NEK10: variants seen among roughly 807,000 people sequenced by gnomAD.
NEK10 encodes the protein NIMA related kinase 10, also known as serine/threonine-protein kinase Nek10.
In NEK10, 122 loss-of-function variants were observed where a neutral mutation model predicts 159.8. That is an observed-to-expected ratio of 0.76 (90% CI 0.66 to 0.89). NEK10 has a LOEUF of 0.89. Ranked by LOEUF, NEK10 falls within the 40% of genes least tolerant of loss-of-function variation. The pLI is 0.00. For synonymous variants in NEK10, 466 were observed against 457.1 expected, an observed-to-expected ratio of 1.02 and a Z score of -0.25; for missense variants, 1,342 against 1,323.1, an observed-to-expected ratio of 1.01 and a Z score of -0.22.
At chr3:27,124,446 G>A (rs183249217) in intron 32 of NEK10, among the ~76,000 whole-genome samples, 49 of 152,272 alleles carry the variant, frequency 3.2e-4, no homozygotes, top group African/African-American at 1.1e-3. Context: ...TCTAGACACA[G>A]TAGATATTCT....
chr3:27,179,142 T>G (rs1349866841), intron 26 of NEK10, among the ~76,000 whole-genome samples: 1 of 152,208 alleles, frequency 6.6e-6, no homozygotes, highest in African/African-American at 2.4e-5. Flanking sequence ...TCTCCCATTC[T>G]CTACATACAG....
intron 13 of NEK10, among the ~76,000 whole-genome samples, chr3:27,300,192 A>C (rs1319927958): frequency 1.3e-5 from 2 of 152,164 alleles, no homozygotes; most frequent in African/African-American, 2.4e-5. Context: ...AGGTGATTGA[A>C]TTATGGGGGT....
At chr3:27,226,081 G>T (rs1184954559) in intron 23 of NEK10, among the ~76,000 whole-genome samples, 1 of 152,096 alleles carries the variant, frequency 6.6e-6, no homozygotes, top group Admixed American at 6.5e-5. Context: ...GCCCAGGCTG[G>T]AGTGCAGTGG....
rs1305223544 is a variant in NEK10, at chr3:27,107,080, T to C, written c.*4192A>G. Among the ~76,000 whole-genome samples the C allele has an allele frequency of 6.6e-6, 1 of 152,164 alleles. No individual in the cohort carries two copies. The highest frequency in any genetic ancestry group is 2.4e-5 in the African/African-American group (1 of 41,434). ...TAGGATAAAGCAATGAACTGTATCT[T>C]AAATTTTTTATATTATTAGACAATT... On this transcript the variant is annotated 3_prime_UTR_variant, in exon 36 of 36. Coordinates refer to ENST00000691995, the MANE Select transcript of NEK10 (RefSeq NM_001394966.1).
intron 23 of NEK10, among the ~76,000 whole-genome samples, chr3:27,254,183 G>T (rs1288805512): frequency 6.6e-6 from 1 of 152,046 alleles, no homozygotes; most frequent in African/African-American, 2.4e-5. Flanking sequence ...ATGAGATTTT[G>T]GTTTTTTTCA....
intron 22 of NEK10, among the ~76,000 whole-genome samples, chr3:27,269,668 G>T (rs950702768): frequency 6.6e-6 from 1 of 152,134 alleles, no homozygotes; most frequent in Non-Finnish European, 1.5e-5. Flanking sequence ...TATATGACTT[G>T]CTTTATTGCA....
At chr3:27,210,982 A>G (rs1950956917) in intron 23 of NEK10, among the ~76,000 whole-genome samples, 1 of 152,240 alleles carries the variant, frequency 6.6e-6, no homozygotes, top group Admixed American at 6.5e-5. Flanking sequence ...GAAACATTTT[A>G]TATCTAATAT....
chr3:27,212,878 G>C (rs1206819271), intron 23 of NEK10, among the ~76,000 whole-genome samples: 1 of 152,186 alleles, frequency 6.6e-6, no homozygotes, highest in Non-Finnish European at 1.5e-5. Context: ...ACGGAGGCAG[G>C]AGAATAGAGT....
chr3:27,204,226 C>T (rs575724074), intron 23 of NEK10, among the ~76,000 whole-genome samples: 1 of 145,068 alleles, frequency 6.9e-6, no homozygotes, highest in South Asian at 2.2e-4. Flanking sequence ...CCAGCACCTG[C>T]ACTTGTTTGG....
At chr3:27,254,569 C>T (rs1012699745) in intron 23 of NEK10, among the ~76,000 whole-genome samples, 32 of 152,244 alleles carry the variant, frequency 2.1e-4, no homozygotes, top group African/African-American at 7.0e-4. Flanking sequence ...GCAAGAAAGA[C>T]GGTTTGTGAG....
chr3:27,179,558 G>T (rs1947860812), intron 26 of NEK10, among the ~76,000 whole-genome samples: 1 of 152,040 alleles, frequency 6.6e-6, no homozygotes, highest in Non-Finnish European at 1.5e-5. Context: ...CTCAAATACA[G>T]GTTTTCTAGA....
At chr3:27,163,168 T>C (rs895901970) in intron 29 of NEK10, among the ~76,000 whole-genome samples, 22 of 152,124 alleles carry the variant, frequency 1.4e-4, no homozygotes, top group Admixed American at 3.3e-4. Flanking sequence ...TGAAAATAAT[T>C]ATCTTTCCTA....
chr3:27,301,932 T>A (rs1036595106), intron 12 of NEK10, 97 bp from the exon 13 acceptor site: 1 of 890,902 alleles, frequency 1.1e-6, no homozygotes, highest in Admixed American at 2.3e-5. Flanking sequence ...CTCCCTCAGG[T>A]CATGAAGGCA....
chr3:27,179,220 T>C (rs55864063), intron 26 of NEK10, among the ~76,000 whole-genome samples: 1,674 of 152,272 alleles, frequency 0.011, 36 homozygotes, highest in African/African-American at 0.038. Flanking sequence ...ATAACTAATT[T>C]ATATGGATTA....
rs1216388128 is a variant in NEK10 at position 27,346,220 on chromosome 3, C to T, written c.133-4G>A. ...TATCGAAGTTAATGGCTGGAAGCTA[C>T]AGAAATAGAAGCATAGAGTACATGA... is the stretch of plus-strand genomic sequence containing the variant. On this transcript the variant is annotated splice_region_variant and splice_polypyrimidine_tract_variant and intron_variant, in intron 3 of 35. Coordinates refer to ENST00000691995, the MANE Select transcript of NEK10 (RefSeq NM_001394966.1). The T allele has an allele frequency of 1.2e-6, 2 of 1,613,384 alleles. No homozygotes were observed. Among genetic ancestry groups the T allele is most frequent in the Non-Finnish European group, 1.7e-6 (2 of 1,179,594 alleles).
chr3:27,136,103 A>ATTTTTTTTTTTTTTTTTT lies in NEK10; in HGVS notation c.2971-4131_2971-4114dup, dbSNP rs775843715. Among the ~76,000 whole-genome samples, 3 of 60,680 alleles carry ATTTTTTTTTTTTTTTTTT rather than the reference A, an allele frequency of 4.9e-5. 1 individual carries two copies. The highest frequency in any genetic ancestry group is 6.2e-5 in the African/African-American group (1 of 16,036). 39.8% of individuals were successfully genotyped at this position (60,680 alleles called of 152,430 possible). ...GGCTTGCCTGTTCTCTAGGAGATCG[A>ATTTTTTTTTTTTTTTTTT]TTTTTTTTTTTTTTTTTTTTTTTTT... On this transcript the variant is annotated intron_variant, in intron 31 of 35. Coordinates refer to ENST00000691995, the MANE Select transcript of NEK10 (RefSeq NM_001394966.1).
At chr3:27,297,874 G>T (rs1462579430) in intron 13 of NEK10, among the ~76,000 whole-genome samples, 2 of 152,254 alleles carry the variant, frequency 1.3e-5, no homozygotes, top group East Asian at 3.9e-4. Context: ...TCAGAAGTAT[G>T]CCAGACTCTA....
intron 26 of NEK10, among the ~76,000 whole-genome samples, chr3:27,186,879 G>A (rs1457169453): frequency 6.6e-6 from 1 of 152,138 alleles, no homozygotes; most frequent in Non-Finnish European, 1.5e-5. Flanking sequence ...GTGTGGATGG[G>A]AATCCAAAGC....
intron 7 of NEK10, among the ~76,000 whole-genome samples, chr3:27,313,580 C>A (rs1259830131): frequency 6.6e-6 from 1 of 152,120 alleles, no homozygotes; most frequent in Non-Finnish European, 1.5e-5. Flanking sequence ...ATTGCTTGGG[C>A]CCAGCATTTT....
Sources: allele counts gnomAD v4.1 joint callset (sites outside exome capture counted in the v4.1 genomes callset), GRCh38; gene constraint gnomAD v4.1.1; transcripts MANE v1.5; gene names NCBI Gene and HGNC (gene_info 2026-07-23, HGNC 2026-07-21).